The following SHB variants were observed in gnomAD, a reference collection of about 807,000 sequenced individuals.
SHB encodes the protein SH2 domain containing adaptor protein B.
In SHB, 20 loss-of-function variants were observed where a neutral mutation model predicts 52.3. The observed-to-expected ratio is 0.38, with a 90% CI of 0.27 to 0.56. The LOEUF is 0.56. Among genes scored for constraint, SHB ranks in the 20% least tolerant of loss-of-function variants. The pLI is 0.71. For synonymous variants in SHB, 397 were observed against 316.5 expected (o/e 1.25, Z -2.70); for missense variants, 825 against 723.3 (o/e 1.14, Z -1.61).
chr9:38,021,045 TG>T (rs530838106), intron 1 of SHB, among the ~76,000 whole-genome samples: 1,979 of 152,290 alleles, frequency 0.013, 36 homozygotes, highest in African/African-American at 0.045. Flanking sequence ...CTAAAAAGAA[TG>T]ATGAGGCATG....
intron 1 of SHB, among the ~76,000 whole-genome samples, chr9:38,049,963 C>G (rs1379033574): frequency 2.0e-5 from 3 of 152,144 alleles, no homozygotes; most frequent in African/African-American, 7.2e-5. Flanking sequence ...CCACACCCGG[C>G]TAATTTTTGT....
intron 2 of SHB, among the ~76,000 whole-genome samples, chr9:37,979,512 A>G (rs893785814): frequency 4.6e-5 from 7 of 152,064 alleles, no homozygotes; most frequent in African/African-American, 1.7e-4. Flanking sequence ...GCTGGGGAAG[A>G]GAGCAGGCAG....
intron 1 of SHB, among the ~76,000 whole-genome samples, chr9:38,023,046 T>C (rs1247147082): frequency 6.6e-6 from 1 of 152,174 alleles, no homozygotes; most frequent in African/African-American, 2.4e-5. Flanking sequence ...GCCCTGGCTT[T>C]AAGGACTGGC....
Position 38,068,034 on chromosome 9 carries a change from G to A in SHB, c.612C>T (p.Cys204=). Residue 204 remains cysteine, a synonymous_variant, in exon 1 of 6, where the codon TGC becomes TGT. Transcript: ENST00000377707. ...GGAGDPLGGA[C]AGGRTWSPTA... is the part of the protein sequence containing the mutation. ...TCGGGCTCCAGGTGCGGCCGCCCGC[G>A]CAGGCGCCCCCCAGGGGGTCCCCGG... 6.6e-7 allele frequency: 1 copy of A among 1,508,320 alleles called. No homozygotes were observed. Among genetic ancestry groups the A allele is most frequent in the Non-Finnish European group, 8.8e-7 (1 of 1,136,348 alleles). 93.4% of individuals were successfully genotyped at this position (1,508,320 alleles called of 1,614,324 possible). A position where few individuals can be genotyped will look rare whatever the true frequency, so the allele number is the denominator to read the frequency against.
chr9:38,053,184 G>A (rs1587265803), intron 1 of SHB, among the ~76,000 whole-genome samples: 1 of 152,214 alleles, frequency 6.6e-6, no homozygotes, highest in East Asian at 1.9e-4. Flanking sequence ...TACTAGCAGT[G>A]TCATCTACGA....
At chr9:37,956,168 G>A (rs1832630534) in intron 3 of SHB, 114 bp from the exon 4 acceptor site, 3 of 967,304 alleles carry the variant, frequency 3.1e-6, no homozygotes, top group Middle Eastern at 3.3e-4. Context: ...GCTTGCAGGA[G>A]GAAGGGTTTC....
At chr9:37,922,610 T>C (rs1832196765) in intron 5 of SHB, among the ~76,000 whole-genome samples, 1 of 152,120 alleles carries the variant, frequency 6.6e-6, no homozygotes, top group South Asian at 2.1e-4. Context: ...GCTGTGCCGA[T>C]GGGGCAGACT....
intron 2 of SHB, among the ~76,000 whole-genome samples, chr9:38,000,003 CAAG>C (rs1820992507): frequency 1.3e-5 from 2 of 152,216 alleles, no homozygotes; most frequent in African/African-American, 4.8e-5. Flanking sequence ...TGAAGGCTGA[CAAG>C]AAGAGCCACG....
At chr9:37,962,361 G>C (rs554928248) in intron 3 of SHB, among the ~76,000 whole-genome samples, 3 of 152,330 alleles carry the variant, frequency 2.0e-5, no homozygotes, top group East Asian at 3.9e-4. Flanking sequence ...CTGATGTACA[G>C]TGGATGCTCA....
intron 5 of SHB, among the ~76,000 whole-genome samples, chr9:37,934,624 A>G (rs934908249): frequency 2.0e-5 from 3 of 152,208 alleles, no homozygotes; most frequent in African/African-American, 7.2e-5. Flanking sequence ...TTAAGAAGCA[A>G]AAGCCCACTG....
chr9:37,977,719 T>C (rs896990462), intron 2 of SHB, among the ~76,000 whole-genome samples: 1 of 152,238 alleles, frequency 6.6e-6, no homozygotes. Context: ...ATCACCTGTA[T>C]TCGTCTTCCT....
At chr9:37,986,466 A>T (rs1189515302) in intron 2 of SHB, among the ~76,000 whole-genome samples, 1 of 152,180 alleles carries the variant, frequency 6.6e-6, no homozygotes, top group African/African-American at 2.4e-5. Flanking sequence ...TAAAGGCAAG[A>T]AACTGGGAAA....
chr9:38,003,325 A>C (rs1821040886), intron 2 of SHB, among the ~76,000 whole-genome samples: 1 of 150,748 alleles, frequency 6.6e-6, no homozygotes, highest in Admixed American at 6.6e-5. Flanking sequence ...CTTCCTTCCA[A>C]CTCCACCCTT....
Position 37,920,275 on chromosome 9 carries a change from AAAAACAAAACAAAACAAAACAAAAC to A in SHB, c.1347-296_1347-272del, listed in dbSNP as rs60630259. Among the ~76,000 whole-genome samples, 1,149 of 145,372 alleles carry A rather than the reference AAAAACAAAACAAAACAAAACAAAAC, an allele frequency of 7.9e-3. 6 individuals are homozygous for A. Among genetic ancestry groups the A allele is most frequent in the African/African-American group, 0.018 (707 of 39,340 alleles). On this transcript the variant is annotated intron_variant, in intron 5 of 5. Transcript: ENST00000377707. ...TGAGCGCTTCTAGGGACTTCTTCAG[AAAAACAAAACAAAACAAAACAAAAC>A]AAAACAAAACAAAACAAAACAAAAC... is the stretch of plus-strand genomic sequence containing the variant.
At chr9:37,939,675 G>T (rs892767094) in intron 5 of SHB, among the ~76,000 whole-genome samples, 1 of 152,202 alleles carries the variant, frequency 6.6e-6, no homozygotes, top group African/African-American at 2.4e-5. Context: ...GGGCTTCTCA[G>T]GGCCTGCTAG....
Position 37,918,332 on chromosome 9 carries a change from A to T in SHB, c.*1489T>A, listed in dbSNP as rs1832127657. Among the ~76,000 whole-genome samples the T allele has an allele frequency of 6.6e-6, 1 of 152,036 alleles. No homozygotes were observed. The highest frequency in any genetic ancestry group is 1.5e-5 in the Non-Finnish European group (1 of 68,022). ...GGGGCTGCCTGGCCTGTGTGGGAGG[A>T]CCCTGCTATGGCAAGCAAGAGAGAG... On this transcript the variant is annotated 3_prime_UTR_variant, in exon 6 of 6. Coordinates refer to ENST00000377707, the MANE Select transcript of SHB (RefSeq NM_003028.3).
intron 1 of SHB, among the ~76,000 whole-genome samples, chr9:38,019,999 T>C (rs1821262821): frequency 6.6e-6 from 1 of 152,214 alleles, no homozygotes; most frequent in Non-Finnish European, 1.5e-5. Flanking sequence ...TACAACATCA[T>C]ACCTACTTAA....
chr9:37,952,439 T>C (rs774974543), intron 4 of SHB, among the ~76,000 whole-genome samples: 2 of 152,154 alleles, frequency 1.3e-5, no homozygotes, highest in Non-Finnish European at 2.9e-5. Context: ...CCAGGCACTG[T>C]GAGCAGCGGG....
At chr9:38,012,156 T>C (rs929992274) in intron 2 of SHB, among the ~76,000 whole-genome samples, 4 of 152,158 alleles carry the variant, frequency 2.6e-5, no homozygotes, top group Non-Finnish European at 5.9e-5. Context: ...CACCACCTGC[T>C]GCATGGAGCC....
Sources: gnomAD v4.1 joint callset for allele counts (sites outside exome capture counted in the v4.1 genomes callset) on GRCh38, gnomAD v4.1.1 for gene constraint, MANE v1.5 for transcripts, NCBI Gene and HGNC (gene_info 2026-07-23, HGNC 2026-07-21) for gene names.